Variants in CDCP2 observed in about 807,000 individuals in gnomAD.
The protein encoded by CDCP2 is CUB domain containing protein 2, also known as CUB domain-containing protein 2.
In CDCP2, 31 loss-of-function variants were observed where a neutral mutation model predicts 31.0. The observed-to-expected ratio is 1.00, with a 90% CI of 0.75 to 1.35. The LOEUF (loss-of-function observed/expected upper bound fraction) is 1.35. Ranked by LOEUF, CDCP2 falls within the 40% of genes most tolerant of loss-of-function variation. The pLI is 0.00. For synonymous variants in CDCP2, 206 were observed against 207.9 expected (o/e 0.99, Z 0.08); for missense variants, 443 against 482.6 (o/e 0.92, Z 0.77).
intron 4 of CDCP2, 58 bp downstream of exon 4, chr1:54,139,695 T>C (rs1241808915): frequency 5.0e-6 from 8 of 1,613,988 alleles, no homozygotes; most frequent in Non-Finnish European, 6.8e-6. Flanking sequence ...CTGCAAAGAC[T>C]GAGGCTGCAA....
At chr1:54,141,126 G>A (rs1659361679) in exon 3 of CDCP2, 1 of 1,538,844 alleles carries the variant, frequency 6.5e-7, no homozygotes. Flanking sequence ...TGAAGCCACG[G>A]CCTCCGATGT....
intron 1 of CDCP2, among the ~76,000 whole-genome samples, chr1:54,150,540 A>G (rs1278394298): frequency 1.3e-5 from 2 of 152,014 alleles, no homozygotes; most frequent in Non-Finnish European, 2.9e-5. Context: ...GGCTGCACTG[A>G]GCCGAGATTG....
chr1:54,144,522 A>G (rs975562612), exon 2 of CDCP2: 1 of 1,608,936 alleles, frequency 6.2e-7, no homozygotes, highest in Non-Finnish European at 8.5e-7. Flanking sequence ...CGAGTGGAAG[A>G]TGACAGACAT....
chr1:54,139,301 T>G, intron 4 of CDCP2: 2 of 533,096 alleles, frequency 3.8e-6, no homozygotes, highest in East Asian at 3.4e-5. Context: ...AGGCTTCCTG[T>G]TGAGTGAGGA....
intron 4 of CDCP2, chr1:54,138,300 G>A (rs968339226): frequency 1.1e-4 from 16 of 152,300 alleles, no homozygotes; most frequent in African/African-American, 3.6e-4. Flanking sequence ...GGCCATGCCA[G>A]CTAGTGGAGG....
intron 5 of CDCP2, among the ~76,000 whole-genome samples, chr1:54,135,725 CCTTCT>C (rs1173288757): frequency 2.0e-5 from 3 of 152,132 alleles, no homozygotes; most frequent in Admixed American, 6.5e-5. Context: ...CCCCTACCCT[CCTTCT>C]CTTCTCAGGT....
intron 4 of CDCP2, chr1:54,139,441 A>G (rs1258531667): frequency 3.5e-6 from 4 of 1,146,602 alleles, no homozygotes; most frequent in Non-Finnish European, 5.0e-6. Context: ...CCCTGGATAC[A>G]GGGGACCAAT....
chr1:54,146,460 A>G (rs534287136), intron 1 of CDCP2, among the ~76,000 whole-genome samples: 26 of 151,900 alleles, frequency 1.7e-4, no homozygotes, highest in Non-Finnish European at 3.4e-4. Context: ...GATTATAGGC[A>G]TGAGCCACCG....
At chr1:54,141,677 G>A in intron 2 of CDCP2, 1 of 400,626 alleles carries the variant, frequency 2.5e-6, no homozygotes, top group Non-Finnish European at 4.4e-6. Flanking sequence ...CAGTTTCTCT[G>A]ATTTTATAAT....
At chr1:54,152,625 T>C (rs899207945) in intron 1 of CDCP2, among the ~76,000 whole-genome samples, 17 of 152,246 alleles carry the variant, frequency 1.1e-4, no homozygotes, top group African/African-American at 4.1e-4. Flanking sequence ...AAGTTTGTTG[T>C]GCAGATTAAA....
At chr1:54,141,075 G>C in intron 3 of CDCP2, 23 bp downstream of exon 3, 1 of 1,509,634 alleles carries the variant, frequency 6.6e-7, no homozygotes, top group South Asian at 1.3e-5. Context: ...GAGGATTCAG[G>C]GTGGAGCGCC....
At position 54,141,083 on chromosome 1, in the gene CDCP2, G is replaced by C. The variant is rs74549030; in HGVS notation, c.763+15C>G. 13,436 of 1,514,200 alleles carry C rather than the reference G, an allele frequency of 8.9e-3. 430 individuals are homozygous for C. In the East Asian group the frequency reaches 0.11, roughly 12 times the overall value. 93.8% of individuals were successfully genotyped at this position (1,514,200 alleles called of 1,614,324 possible). ...GGCACAGGAGGATTCAGGGTGGAGC[G>C]CCAGCCCCTCCTACCTGAGAAGTAG... On this transcript the variant is annotated intron_variant, in intron 3 of 5. Transcript: ENST00000530059.
intron 4 of CDCP2, 106 bp downstream of exon 4, chr1:54,139,647 G>GT (rs66812916): frequency 1.1e-5 from 14 of 1,222,998 alleles, no homozygotes; most frequent in Middle Eastern, 4.0e-4. Flanking sequence ...ACCATTCATG[G>GT]GGGGGGCAGG....
At chr1:54,146,161 G>C (rs1659465016) in intron 1 of CDCP2, among the ~76,000 whole-genome samples, 1 of 150,718 alleles carries the variant, frequency 6.6e-6, no homozygotes, top group Non-Finnish European at 1.5e-5. Context: ...AATATTTTCA[G>C]TGTAAGAGTG....
intron 3 of CDCP2, 157 bp from the exon 4 acceptor site, chr1:54,140,263 T>A (rs1342080661): frequency 1.6e-6 from 1 of 638,798 alleles, no homozygotes; most frequent in Non-Finnish European, 2.7e-6. Context: ...TGATCCCAAC[T>A]ATCTGAAAGT....
chr1:54,145,182 C>T (rs563584721), intron 1 of CDCP2, among the ~76,000 whole-genome samples: 14 of 152,242 alleles, frequency 9.2e-5, no homozygotes, highest in African/African-American at 3.1e-4. Flanking sequence ...AATCCCAGCA[C>T]TTTGGGAGGC....
intron 5 of CDCP2, among the ~76,000 whole-genome samples, chr1:54,133,685 A>T (rs1659207167): frequency 6.6e-6 from 1 of 152,194 alleles, no homozygotes; most frequent in Non-Finnish European, 1.5e-5. Context: ...TCATGAGGTC[A>T]GGAGATCGAG....
intron 2 of CDCP2, 35 bp downstream of exon 2, chr1:54,144,431 G>A (rs894845017): frequency 1.3e-6 from 2 of 1,520,782 alleles, no homozygotes; most frequent in African/African-American, 2.8e-5. Context: ...ACAGGTGTGA[G>A]CCACTGCAAC....
At chr1:54,144,358 T>TC (rs1399020289) in intron 2 of CDCP2, 108 bp downstream of exon 2, 2 of 1,027,932 alleles carry the variant, frequency 1.9e-6, no homozygotes, top group Non-Finnish European at 2.8e-6. Flanking sequence ...CACTGCCAAA[T>TC]CCCCCCTTGA....
Sources: gnomAD v4.1 joint callset for allele counts (sites outside exome capture counted in the v4.1 genomes callset) on GRCh38, gnomAD v4.1.1 for gene constraint, MANE v1.5 for transcripts, NCBI Gene and HGNC (gene_info 2026-07-23, HGNC 2026-07-21) for gene names.